Variants in WWP1 observed in about 807,000 individuals in gnomAD.
WWP1 encodes NEDD4-like E3 ubiquitin-protein ligase WWP1.
Under a neutral mutation model 130.6 loss-of-function variants are expected in WWP1, and 49 were observed. The ratio of observed to expected loss-of-function variants is 0.38; its 90% CI spans 0.30 to 0.48. The LOEUF (loss-of-function observed/expected upper bound fraction) is 0.48, where lower values mean the gene tolerates loss of function less well. Ranked by LOEUF, WWP1 falls within the 20% of genes least tolerant of loss-of-function variation. The pLI is 0.99. For missense variants in WWP1, 809 were observed against 1,100.6 expected (o/e 0.74, Z 3.75); for synonymous variants, 332 against 367.8 (o/e 0.90, Z 1.11).
chr8:86,376,468 C>T (rs1013121137), intron 3 of WWP1, among the ~76,000 whole-genome samples: 3 of 151,986 alleles, frequency 2.0e-5, no homozygotes, highest in Admixed American at 6.6e-5. Flanking sequence ...ACTTGGGAGG[C>T]TTAGGCATGA....
In WWP1 at chr8:86,466,078, G is replaced by A. The variant is rs531121340; in HGVS notation, c.2670-716G>A. Among the ~76,000 whole-genome samples the A allele has an allele frequency of 2.0e-3, 306 of 152,160 alleles. 1 individual carries two copies. The highest frequency in any genetic ancestry group is 3.3e-3 in the Non-Finnish European group (223 of 68,004). ...ATCTCACTAGTCACTGCTACTGTAG[G>A]GACCAAAACCCTGAACACCCGAATC... On this transcript the variant is annotated intron_variant, in intron 24 of 24. Transcript: ENST00000517970.
At chr8:86,380,981 C>G (rs959334611) in intron 4 of WWP1, 117 bp downstream of exon 4, 1 of 1,242,924 alleles carries the variant, frequency 8.0e-7, no homozygotes. Flanking sequence ...AAGTGTGGAT[C>G]GACAATTTAA....
chr8:86,403,505 G>A (rs1316721238), intron 8 of WWP1, among the ~76,000 whole-genome samples: 1 of 152,022 alleles, frequency 6.6e-6, no homozygotes, highest in Non-Finnish European at 1.5e-5. Flanking sequence ...ATGTTGGCCA[G>A]GCTGATCTCA....
intron 1 of WWP1, among the ~76,000 whole-genome samples, chr8:86,363,153 ACTT>A (rs911895179): frequency 6.6e-6 from 1 of 152,180 alleles, no homozygotes; most frequent in African/African-American, 2.4e-5. Flanking sequence ...TGGAATGAGA[ACTT>A]CTGCTGGGTA....
chr8:86,367,381 A>ATTTC (rs375727216), intron 1 of WWP1, among the ~76,000 whole-genome samples: 2 of 152,232 alleles, frequency 1.3e-5, no homozygotes, highest in African/African-American at 2.4e-5. Context: ...TTCTAATTGG[A>ATTTC]TTTCTTTCTT....
chr8:86,396,930 C>T (rs1161211737), intron 5 of WWP1, among the ~76,000 whole-genome samples: 1 of 152,016 alleles, frequency 6.6e-6, no homozygotes. Context: ...GACTAGATCT[C>T]ACTGTGTTGC....
At chr8:86,378,464 A>C (rs1326657706) in intron 3 of WWP1, among the ~76,000 whole-genome samples, 1 of 152,020 alleles carries the variant, frequency 6.6e-6, no homozygotes, top group African/African-American at 2.4e-5. Flanking sequence ...AACTCTCCCT[A>C]CCCTCTCACA....
intron 1 of WWP1, among the ~76,000 whole-genome samples, chr8:86,360,408 C>T (rs1823522726): frequency 6.6e-6 from 1 of 152,140 alleles, no homozygotes; most frequent in Non-Finnish European, 1.5e-5. Context: ...TGAAATTCTT[C>T]CTTGAAGTTT....
chr8:86,449,668 T>G (rs1183034313), intron 20 of WWP1, among the ~76,000 whole-genome samples: 1 of 152,234 alleles, frequency 6.6e-6, no homozygotes, highest in Non-Finnish European at 1.5e-5. Context: ...AAACTTTTCA[T>G]TTTTCCTAGA....
intron 12 of WWP1, among the ~76,000 whole-genome samples, 188 bp from the exon 13 acceptor site, chr8:86,431,215 TATA>T (rs1424031727): frequency 1.4e-5 from 2 of 141,448 alleles, no homozygotes; most frequent in Non-Finnish European, 3.0e-5. Context: ...TTCTCTATAA[TATA>T]ATATATGTTA....
At chr8:86,464,610 G>T (rs573731298) in intron 24 of WWP1, among the ~76,000 whole-genome samples, 1 of 152,132 alleles carries the variant, frequency 6.6e-6, no homozygotes, top group African/African-American at 2.4e-5. Context: ...CAACCTCCTG[G>T]GTTCAAGCAA....
At chr8:86,366,317 G>C (rs1223393157) in intron 1 of WWP1, among the ~76,000 whole-genome samples, 1 of 152,224 alleles carries the variant, frequency 6.6e-6, no homozygotes, top group African/African-American at 2.4e-5. Flanking sequence ...TGATGGCTTG[G>C]GGTATGATGG....
At chr8:86,390,890 T>A (rs2130436528) in intron 5 of WWP1, among the ~76,000 whole-genome samples, 1 of 152,328 alleles carries the variant, frequency 6.6e-6, no homozygotes, top group African/African-American at 2.4e-5. Flanking sequence ...AATTTCTTCC[T>A]TTGTTAAGGC....
At chr8:86,444,599 G>A (rs867994845) in intron 18 of WWP1, among the ~76,000 whole-genome samples, 1 of 152,172 alleles carries the variant, frequency 6.6e-6, no homozygotes, top group African/African-American at 2.4e-5. Flanking sequence ...AGAAGAAAGT[G>A]TGTTTCAAGA....
chr8:86,393,354 C>T (rs538444424), intron 5 of WWP1, among the ~76,000 whole-genome samples: 2 of 151,908 alleles, frequency 1.3e-5, no homozygotes, highest in Non-Finnish European at 2.9e-5. Flanking sequence ...TAGGAATAAC[C>T]CTAGCTACTT....
At chr8:86,398,951 A>G (rs962013972) in intron 7 of WWP1, among the ~76,000 whole-genome samples, 1 of 152,184 alleles carries the variant, frequency 6.6e-6, no homozygotes, top group African/African-American at 2.4e-5. Flanking sequence ...AACCATGTAT[A>G]TACATGAGTA....
chr8:86,390,698 A>G (rs1168468441), intron 5 of WWP1, among the ~76,000 whole-genome samples: 8 of 130,666 alleles, frequency 6.1e-5, no homozygotes, highest in African/African-American at 2.3e-4. Context: ...GTGGGAGACG[A>G]GAGGGAGACG....
intron 1 of WWP1, among the ~76,000 whole-genome samples, chr8:86,362,302 G>T (rs1456343792): frequency 1.4e-5 from 2 of 146,300 alleles, no homozygotes; most frequent in Non-Finnish European, 3.0e-5. Context: ...TGATATACTA[G>T]AAAGATTAAA....
chr8:86,438,405 A>G (rs1187348895), intron 16 of WWP1, among the ~76,000 whole-genome samples, 180 bp from the exon 17 acceptor site: 1 of 152,164 alleles, frequency 6.6e-6, no homozygotes, highest in East Asian at 1.9e-4. Context: ...AAAGCTTAAC[A>G]GATTGATATG....
Sources: gnomAD v4.1 joint callset for allele counts (sites outside exome capture counted in the v4.1 genomes callset) on GRCh38, gnomAD v4.1.1 for gene constraint, MANE v1.5 for transcripts, NCBI Gene and HGNC (gene_info 2026-07-23, HGNC 2026-07-21) for gene names.